SATL1: variants seen among roughly 807,000 people sequenced by gnomAD.
The protein encoded by SATL1 is spermidine/spermine N(1)-acetyltransferase-like protein 1.
In SATL1, 47 loss-of-function variants were observed where a neutral mutation model predicts 51.8. That is an observed-to-expected ratio of 0.91 (90% CI 0.72 to 1.16). SATL1 has a LOEUF of 1.16. SATL1 is among the 50% of genes most tolerant of loss of function. The probability of loss-of-function intolerance (pLI) is 0.00; values close to 1 mark genes in which losing one functional copy is unlikely to be tolerated. For synonymous variants in SATL1, 176 were observed against 182.4 expected (o/e 0.97, Z 0.28); for missense variants, 520 against 526.4 (o/e 0.99, Z 0.12).
chrX:85,147,765 G>C (rs1170758010), intron 2 of SATL1, among the ~76,000 whole-genome samples: 1 of 112,181 alleles, frequency 8.9e-6, no homozygotes, highest in Non-Finnish European at 1.9e-5. Flanking sequence ...TGAGGGTCCT[G>C]TCTGTTAGAA....
At chrX:85,106,326 A>G (rs1232801293) in intron 3 of SATL1, among the ~76,000 whole-genome samples, 2 of 111,613 alleles carry the variant, frequency 1.8e-5, no homozygotes, top group East Asian at 2.8e-4. Context: ...CAATTCTTAC[A>G]GATCTGTAAC....
Position 85,109,663 on chromosome X carries a change from T to A in SATL1, c.-312-383A>T, listed in dbSNP as rs139840937. 2.9e-3 allele frequency among the ~76,000 whole-genome samples: 324 copies of A among 111,497 alleles called. 2 individuals carry two copies. Among genetic ancestry groups the A allele is most frequent in the African/African-American group, 0.01 (307 of 30,679 alleles). ...ATTTTTCACTTACACTGGAAACTAG[T>A]TGTCCCGATGAAGTGCTCAAGTCTC... On this transcript the variant is annotated intron_variant, in intron 2 of 7. Coordinates refer to ENST00000644105, the MANE Select transcript of SATL1 (RefSeq NM_001367857.2).
intron 2 of SATL1, among the ~76,000 whole-genome samples, chrX:85,161,606 CAAG>C (rs1205017808): frequency 9.0e-6 from 1 of 110,769 alleles, no homozygotes; most frequent in Non-Finnish European, 1.9e-5. Flanking sequence ...TTCAATTCAA[CAAG>C]AAGACCTAAC....
intron 2 of SATL1, among the ~76,000 whole-genome samples, chrX:85,191,597 A>C (rs1260349967): frequency 1.8e-5 from 2 of 112,061 alleles, no homozygotes; most frequent in Admixed American, 9.5e-5. Context: ...CTGATAACAT[A>C]AACAGTTGAT....
chrX:85,102,705 T>A (rs1924929877), intron 4 of SATL1, among the ~76,000 whole-genome samples: 3 of 111,768 alleles, frequency 2.7e-5, no homozygotes, highest in Non-Finnish European at 5.6e-5. Context: ...CTAACTACAA[T>A]GAAATAGTGT....
intron 2 of SATL1, among the ~76,000 whole-genome samples, chrX:85,129,975 C>T (rs747997960): frequency 5.4e-5 from 6 of 111,734 alleles, no homozygotes; most frequent in Admixed American, 9.6e-5. Context: ...GTTGAACAGG[C>T]GTGCATCCTA....
chrX:85,206,122 C>T (rs1413550178), intron 2 of SATL1, among the ~76,000 whole-genome samples: 3 of 111,476 alleles, frequency 2.7e-5, no homozygotes, highest in African/African-American at 9.8e-5. Context: ...ACTGGAGATG[C>T]CTATCAGAAA....
At chrX:85,096,414 G>A (rs1021843183) in intron 4 of SATL1, among the ~76,000 whole-genome samples, 2 of 111,109 alleles carry the variant, frequency 1.8e-5, no homozygotes, top group Non-Finnish European at 3.8e-5. Context: ...AGTGTCTGTG[G>A]AACATCATCA....
At chrX:85,130,193 A>C (rs917650105) in intron 2 of SATL1, among the ~76,000 whole-genome samples, 1 of 111,523 alleles carries the variant, frequency 9.0e-6, no homozygotes, top group Non-Finnish European at 1.9e-5. Flanking sequence ...CTCTTTTTCT[A>C]TTGATTGGAA....
chrX:85,114,247 CAATTGTT>C (rs1326314971), intron 2 of SATL1, among the ~76,000 whole-genome samples: 1 of 111,717 alleles, frequency 9.0e-6, no homozygotes, highest in Non-Finnish European at 1.9e-5. Flanking sequence ...ATACTGTACT[CAATTGTT>C]AAAAGCTCTA....
At chrX:85,120,089 AC>A (rs1925471838) in intron 2 of SATL1, among the ~76,000 whole-genome samples, 1 of 111,333 alleles carries the variant, frequency 9.0e-6, no homozygotes, top group African/African-American at 3.3e-5. Context: ...TAGTAACCCA[AC>A]AAAATATTAC....
Position 85,108,092 on chromosome X carries a change from G to A in SATL1, c.877C>T (p.Gln293Ter), listed in dbSNP as rs371693551. 1.3e-5 allele frequency: 16 copies of A among 1,209,991 alleles called. No individual in the cohort carries two copies. The highest frequency in any genetic ancestry group is 1.8e-5 in the Non-Finnish European group (16 of 895,339). Residue 293 changes from glutamine to a stop codon, truncating the protein, a stop_gained, in exon 3 of 8, where the codon CAA (glutamine) becomes TAA (stop). Coordinates refer to ENST00000644105, the MANE Select transcript of SATL1 (RefSeq NM_001367857.2). LOFTEE classifies it high-confidence loss of function. ...ATGCCAGCTTGGCTCATGCTTGGTT[G>A]TTTCATGTCCACTTGGTTCATTTCA... ...LYEMNQVDMK[Q>*]PSMSQAGMRQ...
chrX:85,165,004 G>A (rs965354085), intron 2 of SATL1, among the ~76,000 whole-genome samples: 2 of 111,201 alleles, frequency 1.8e-5, no homozygotes, highest in African/African-American at 3.3e-5. Flanking sequence ...GATTGAAGGC[G>A]TGAGCCACTG....
In SATL1 at chrX:85,108,255, C is replaced by T; in HGVS notation, c.714G>A (p.Lys238=). 8.3e-7 allele frequency: 1 copy of T among 1,211,350 alleles called. No homozygotes were observed. The part of the protein sequence containing the change: ...IRQPDTSQSC[K]NQTDMSQPDA... ...CTGGTTGGCTCATGTCTGTTTGGTTCTTACATGATTGGCTAGTGTCTGGTT... is the reference window on the plus strand; with the variant it reads ...CTGGTTGGCTCATGTCTGTTTGGTTTTTACATGATTGGCTAGTGTCTGGTT... Residue 238 remains lysine (K), a synonymous_variant, in exon 3 of 8, where the codon AAG becomes AAA. Coordinates refer to ENST00000644105, the MANE Select transcript of SATL1 (RefSeq NM_001367857.2).
intron 2 of SATL1, chrX:85,143,503 G>T (rs1050968702): frequency 2.7e-5 from 3 of 111,195 alleles, no homozygotes; most frequent in African/African-American, 9.8e-5. Context: ...TGTGAATAAC[G>T]TAAGAAAAAT....
chrX:85,203,694 C>T (rs1269918163), intron 2 of SATL1, among the ~76,000 whole-genome samples: 1 of 112,037 alleles, frequency 8.9e-6, no homozygotes, highest in African/African-American at 3.2e-5. Flanking sequence ...CCCTTCTGCC[C>T]CGGGTCAGCT....
At chrX:85,226,835 C>T (rs983635153) in intron 1 of SATL1, among the ~76,000 whole-genome samples, 3 of 110,959 alleles carry the variant, frequency 2.7e-5, no homozygotes, top group Non-Finnish European at 5.7e-5. Flanking sequence ...CCAGCACACT[C>T]CTTTTAGCAC....
chrX:85,159,400 A>G (rs1480323862), intron 2 of SATL1, among the ~76,000 whole-genome samples: 1 of 111,159 alleles, frequency 9.0e-6, no homozygotes, highest in Non-Finnish European at 1.9e-5. Flanking sequence ...AGGCATGCAA[A>G]CCCTATTGTG....
At chrX:85,128,313 T>A (rs1482595349) in intron 2 of SATL1, among the ~76,000 whole-genome samples, 1 of 111,819 alleles carries the variant, frequency 8.9e-6, no homozygotes, top group Non-Finnish European at 1.9e-5. Flanking sequence ...CACCTGTTGT[T>A]TCCTGACTTT....
Sources: allele counts gnomAD v4.1 joint callset (sites outside exome capture counted in the v4.1 genomes callset), GRCh38; gene constraint gnomAD v4.1.1; transcripts MANE v1.5; gene names NCBI Gene and HGNC (gene_info 2026-07-23, HGNC 2026-07-21).